Variants in PTPRT observed in about 807,000 individuals in gnomAD.
The protein encoded by PTPRT is protein tyrosine phosphatase receptor type T.
PTPRT carries 56 observed loss-of-function variants against 176.8 expected under a neutral mutation model. That is an observed-to-expected ratio of 0.32 (90% CI 0.26 to 0.40). The LOEUF is 0.40. Ranked by LOEUF, PTPRT falls within the 10% of genes least tolerant of loss-of-function variation. PTPRT has a pLI of 1.00. For missense variants in PTPRT, 1,540 were observed against 1,908.2 expected, an observed-to-expected ratio of 0.81 and a Z score of 3.60; for synonymous variants, 783 against 739.0, an observed-to-expected ratio of 1.06 and a Z score of -0.96.
chr20:42,100,751 C>T (rs1985853816), intron 26 of PTPRT, among the ~76,000 whole-genome samples: 1 of 152,208 alleles, frequency 6.6e-6, no homozygotes, highest in Admixed American at 6.5e-5. Context: ...CATACACATA[C>T]ATGCGCTCAT....
intron 8 of PTPRT, among the ~76,000 whole-genome samples, chr20:42,466,665 GTTGAAT>G (rs960440839): frequency 1.5e-3 from 226 of 152,264 alleles, no homozygotes; most frequent in African/African-American, 5.2e-3. Flanking sequence ...TATAAAATGT[GTTGAAT>G]TTGAATCAGT....
At chr20:42,032,924 T>C in the PTPRT span, among the ~76,000 whole-genome samples, 1 of 152,216 alleles carries the variant, frequency 6.6e-6, no homozygotes, top group Non-Finnish European at 1.5e-5. Context: ...AGCTTGGATG[T>C]AGAGCCTTTA....
intron 1 of PTPRT, among the ~76,000 whole-genome samples, chr20:42,975,923 C>A (rs939722706): frequency 3.4e-5 from 5 of 147,860 alleles, no homozygotes; most frequent in African/African-American, 5.2e-5. Context: ...CTTACCCCCC[C>A]ACCAAAAAAA....
At chr20:42,332,744 AT>A (rs1397992650) in intron 11 of PTPRT, among the ~76,000 whole-genome samples, 2 of 152,224 alleles carry the variant, frequency 1.3e-5, no homozygotes, top group Non-Finnish European at 2.9e-5. Context: ...GAAAACTAGA[AT>A]TTGGAAAACT....
intron 15 of PTPRT, 157 bp from the exon 16 acceptor site, chr20:42,199,545 TCC>T: frequency 4.9e-6 from 4 of 821,322 alleles, no homozygotes; most frequent in Non-Finnish European, 5.6e-6. Context: ...ATGAATGGTT[TCC>T]ATTTACTCAG....
intron 1 of PTPRT, among the ~76,000 whole-genome samples, chr20:42,941,000 T>G (rs879414682): frequency 1.3e-5 from 2 of 151,830 alleles, no homozygotes; most frequent in Non-Finnish European, 2.9e-5. Context: ...AAGAATCGCT[T>G]GAACCTGGGA....
chr20:42,207,057 T>G (rs1437058866), intron 15 of PTPRT, among the ~76,000 whole-genome samples: 1 of 152,058 alleles, frequency 6.6e-6, no homozygotes, highest in Non-Finnish European at 1.5e-5. Flanking sequence ...GGCAGGGTAT[T>G]CCAACAGACC....
At chr20:42,897,905 G>A (rs1365219068) in intron 1 of PTPRT, among the ~76,000 whole-genome samples, 1 of 152,166 alleles carries the variant, frequency 6.6e-6, no homozygotes, top group Non-Finnish European at 1.5e-5. Flanking sequence ...CAAGTTGTGT[G>A]TTAAATTAAT....
At chr20:42,987,317 G>A (rs1983650087) in intron 1 of PTPRT, among the ~76,000 whole-genome samples, 1 of 152,198 alleles carries the variant, frequency 6.6e-6, no homozygotes, top group South Asian at 2.1e-4. Context: ...TAAATAAAAT[G>A]TCAAATTCAG....
chr20:42,146,384 A>G (rs1376917915), intron 17 of PTPRT, among the ~76,000 whole-genome samples: 1 of 152,090 alleles, frequency 6.6e-6, no homozygotes, highest in Non-Finnish European at 1.5e-5. Flanking sequence ...TTTCATACTA[A>G]TTTTTTGAAA....
intron 17 of PTPRT, among the ~76,000 whole-genome samples, chr20:42,160,008 T>C (rs1568979266): frequency 6.6e-6 from 1 of 152,160 alleles, no homozygotes; most frequent in Non-Finnish European, 1.5e-5. Flanking sequence ...TTTCTCAGAA[T>C]ATAGTCTGAG....
At chr20:43,083,341 T>TATATATATATAC (rs2011503124) in intron 1 of PTPRT, among the ~76,000 whole-genome samples, 2 of 40,676 alleles carry the variant, frequency 4.9e-5, no homozygotes, top group African/African-American at 1.4e-4. Flanking sequence ...TATATATATA[T>TATATATATATAC]ATATATATAT....
At chr20:42,650,008 C>T (rs552414969) in intron 7 of PTPRT, among the ~76,000 whole-genome samples, 2 of 152,204 alleles carry the variant, frequency 1.3e-5, no homozygotes, top group African/African-American at 4.8e-5. Flanking sequence ...CACCACTCTG[C>T]TTTACATCTC....
intron 18 of PTPRT, among the ~76,000 whole-genome samples, chr20:42,141,596 T>C (rs1988632780): frequency 6.6e-6 from 1 of 152,180 alleles, no homozygotes; most frequent in African/African-American, 2.4e-5. Flanking sequence ...GCTGGGCTTC[T>C]TCCCCGACCT....
chr20:42,230,314 C>T (rs6065446), intron 15 of PTPRT, among the ~76,000 whole-genome samples: 29,565 of 152,174 alleles, frequency 0.19, 3,159 homozygotes, highest in African/African-American at 0.23. Flanking sequence ...GAAGTAGTTA[C>T]GTGCTCTCTC....
chr20:43,043,583 C>T (rs1986721009), intron 1 of PTPRT, among the ~76,000 whole-genome samples: 1 of 152,114 alleles, frequency 6.6e-6, no homozygotes, highest in African/African-American at 2.4e-5. Flanking sequence ...GGTTACACAG[C>T]CTACATGCAG....
chr20:42,394,715 A>G (rs2058832999), intron 9 of PTPRT, among the ~76,000 whole-genome samples: 1 of 152,182 alleles, frequency 6.6e-6, no homozygotes, highest in South Asian at 2.1e-4. Flanking sequence ...TAGCAATACT[A>G]CTTTCAGAAG....
At chr20:42,726,921 G>A in intron 6 of PTPRT, among the ~76,000 whole-genome samples, 1 of 152,214 alleles carries the variant, frequency 6.6e-6, no homozygotes, top group East Asian at 1.9e-4. Flanking sequence ...TCATCCTGCT[G>A]AGATTTTGAC....
chr20:42,964,170 A>G (rs772295647), intron 1 of PTPRT, among the ~76,000 whole-genome samples: 3 of 152,210 alleles, frequency 2.0e-5, no homozygotes, highest in Non-Finnish European at 4.4e-5. Context: ...TAGTTATCAT[A>G]TTAGTATAAA....
Sources: gnomAD v4.1 joint callset for allele counts (sites outside exome capture counted in the v4.1 genomes callset) on GRCh38, gnomAD v4.1.1 for gene constraint, MANE v1.5 for transcripts, NCBI Gene and HGNC (gene_info 2026-07-23, HGNC 2026-07-21) for gene names.